LHPP: variants seen among roughly 807,000 people sequenced by gnomAD.
The protein encoded by LHPP is phospholysine phosphohistidine inorganic pyrophosphate phosphatase.
A neutral mutation model predicts 30.3 loss-of-function variants in LHPP; 24 were observed. The ratio of observed to expected loss-of-function variants is 0.79; its 90% CI spans 0.57 to 1.11. The LOEUF is 1.11. Ranked by LOEUF, LHPP falls within the 50% of genes most tolerant of loss-of-function variation. The pLI is 0.00. For missense variants in LHPP, 356 were observed against 367.2 expected (o/e 0.97, Z 0.25); for synonymous variants, 150 against 157.1 (o/e 0.95, Z 0.34).
intron 1 of LHPP, among the ~76,000 whole-genome samples, chr10:124,466,762 A>T (rs1952562607): frequency 6.6e-6 from 1 of 151,988 alleles, no homozygotes; most frequent in Admixed American, 6.6e-5. Flanking sequence ...CAGCCTGCAT[A>T]TCATTTTTAA....
chr10:124,508,418 CTG>C (rs952929971), intron 5 of LHPP, among the ~76,000 whole-genome samples: 14 of 151,946 alleles, frequency 9.2e-5, no homozygotes, highest in African/African-American at 3.4e-4. Flanking sequence ...ATTGGAAACT[CTG>C]TCCACCGATG....
intron 6 of LHPP, among the ~76,000 whole-genome samples, chr10:124,536,975 CA>C (rs1195472567): frequency 6.6e-6 from 1 of 152,146 alleles, no homozygotes; most frequent in Non-Finnish European, 1.5e-5. Flanking sequence ...ATCATAAACA[CA>C]GCATATGTAA....
intron 6 of LHPP, among the ~76,000 whole-genome samples, chr10:124,557,969 G>A (rs1039099838): frequency 2.6e-5 from 4 of 152,144 alleles, no homozygotes; most frequent in African/African-American, 4.8e-5. Context: ...ATGTCAGCGC[G>A]TCCTGACACC....
In LHPP at chr10:124,517,156, G is replaced by T; in HGVS notation, c.625-24G>T. 6.4e-7 allele frequency: 1 copy of T among 1,557,174 alleles called. No individual in the cohort carries two copies. Among genetic ancestry groups the T allele is most frequent in the South Asian group, 1.2e-5 (1 of 84,430 alleles). On this transcript the variant is annotated intron_variant, in intron 5 of 6. Coordinates refer to ENST00000368842, the MANE Select transcript of LHPP (RefSeq NM_022126.4). The surrounding 1 kb of genome is among the most constrained non-coding windows in gnomAD (Gnocchi z 4.1). Reference sequence around the variant, plus strand: ...ATAAAACTCTCCTGACATCACTTCTGAGCGTATTTCACTGCCGTGACAGGC... The same window carrying T: ...ATAAAACTCTCCTGACATCACTTCTTAGCGTATTTCACTGCCGTGACAGGC...
At chr10:124,476,349 G>C (rs1475001266) in intron 1 of LHPP, among the ~76,000 whole-genome samples, 1 of 152,208 alleles carries the variant, frequency 6.6e-6, no homozygotes, top group African/African-American at 2.4e-5. Flanking sequence ...AGCAAGTGCA[G>C]GAGGCTCAGC....
intron 6 of LHPP, among the ~76,000 whole-genome samples, chr10:124,605,919 G>C (rs1949086191): frequency 6.6e-6 from 1 of 152,088 alleles, no homozygotes; most frequent in Non-Finnish European, 1.5e-5. Flanking sequence ...GTCACCCTGT[G>C]GGTTCCGGTG....
intron 6 of LHPP, among the ~76,000 whole-genome samples, chr10:124,611,329 A>G (rs759040396): frequency 2.6e-5 from 4 of 152,050 alleles, no homozygotes; most frequent in Non-Finnish European, 5.9e-5. Flanking sequence ...TGTGACCTAT[A>G]GCAAGTCTCT....
intron 5 of LHPP, chr10:124,498,857 G>C (rs1368202505): frequency 3.7e-6 from 1 of 273,782 alleles, no homozygotes; most frequent in African/African-American, 2.5e-5. Context: ...TGGGACTACA[G>C]GTATATGCCA....
In LHPP at chr10:124,523,242, C is replaced by T. The variant is rs958683212; in HGVS notation, c.716+5971C>T. Among the ~76,000 whole-genome samples the T allele has an allele frequency of 2.0e-5, 3 of 152,352 alleles. No individual in the cohort carries two copies. The highest frequency in any genetic ancestry group is 1.9e-4 in the East Asian group (1 of 5,192). On this transcript the variant is annotated intron_variant, in intron 6 of 6. Transcript: ENST00000368842. The surrounding 1 kb of genome is among the most constrained non-coding windows in gnomAD (Gnocchi z 4.2). ...TTCGGAGAGGGAAAGTTTCCTGGAC[C>T]GTGATTCCCGACATCCTGCAAGGTC...
In LHPP at chr10:124,484,279, A is replaced by G. The variant is rs1953246126; in HGVS notation, c.266A>G (p.Gln89Arg). 1.2e-6 allele frequency: 2 copies of G among 1,613,910 alleles called. No individual in the cohort carries two copies. The highest frequency in any genetic ancestry group is 1.7e-6 in the Non-Finnish European group (2 of 1,179,980). The change falls in exon 2 of 7, where the codon CAG (glutamine) becomes CGG (arginine). Residue 89 changes from glutamine (Q) to arginine (R), a missense_variant. Transcript: ENST00000368842. ...EVTAPAPAAC[Q>R]ILKEQGLRPY... The stretch of plus-strand genomic sequence containing the variant: ...ACCGCCCCGGCACCAGCTGCCTGCC[A>G]GATCCTGAAGGAGCAAGGCCTGCGA...
intron 6 of LHPP, among the ~76,000 whole-genome samples, chr10:124,583,200 T>C (rs1254586648): frequency 6.6e-6 from 1 of 152,252 alleles, no homozygotes; most frequent in Non-Finnish European, 1.5e-5. Flanking sequence ...TTTGGTGGCA[T>C]ATCTAAGAAT....
At chr10:124,557,953 T>C (rs1948331065) in intron 6 of LHPP, among the ~76,000 whole-genome samples, 2 of 152,102 alleles carry the variant, frequency 1.3e-5, no homozygotes, top group African/African-American at 4.8e-5. Context: ...CGGCCTCGGC[T>C]CCTTCATGTC....
chr10:124,475,235 A>C (rs1172157390), intron 1 of LHPP, among the ~76,000 whole-genome samples: 1 of 151,444 alleles, frequency 6.6e-6, no homozygotes, highest in Non-Finnish European at 1.5e-5. Context: ...GTTGTTCGCC[A>C]TGTTGGCCAG....
intron 6 of LHPP, among the ~76,000 whole-genome samples, chr10:124,526,810 G>A (rs1041589490): frequency 5.9e-5 from 9 of 152,188 alleles, no homozygotes; most frequent in Non-Finnish European, 7.4e-5. Flanking sequence ...GTTAAAGTCC[G>A]CTGAACCCAA....
intron 6 of LHPP, among the ~76,000 whole-genome samples, chr10:124,566,950 C>T (rs1052926468): frequency 2.6e-5 from 4 of 152,200 alleles, no homozygotes; most frequent in African/African-American, 7.2e-5. Flanking sequence ...GCCCCACACC[C>T]GCTCCCATCC....
intron 6 of LHPP, among the ~76,000 whole-genome samples, chr10:124,547,465 GC>G (rs1318525005): frequency 6.6e-6 from 1 of 152,208 alleles, no homozygotes; most frequent in Non-Finnish European, 1.5e-5. Flanking sequence ...CCCACCCCCT[GC>G]CCCCAGTGTC....
chr10:124,550,175 A>C (rs999566663), intron 6 of LHPP, among the ~76,000 whole-genome samples: 2 of 152,010 alleles, frequency 1.3e-5, no homozygotes, highest in Non-Finnish European at 1.5e-5. Flanking sequence ...TGGGGAGCTC[A>C]CTCCTTGCCG....
intron 2 of LHPP, among the ~76,000 whole-genome samples, chr10:124,485,223 A>G (rs1355180238): frequency 6.6e-6 from 1 of 152,064 alleles, no homozygotes; most frequent in African/African-American, 2.4e-5. Context: ...TCTGTAATCT[A>G]GGATCCCTGC....
intron 2 of LHPP, 138 bp downstream of exon 2, chr10:124,484,464 A>T (rs1953254586): frequency 1.2e-6 from 1 of 818,088 alleles, no homozygotes; most frequent in African/African-American, 1.7e-5. Flanking sequence ...TGGGGGTAAA[A>T]ACCTCATGGG....
Sources: allele counts gnomAD v4.1 joint callset (sites outside exome capture counted in the v4.1 genomes callset), GRCh38; gene constraint gnomAD v4.1.1; non-coding constraint Gnocchi (gnomAD v3.1); transcripts MANE v1.5; gene names NCBI Gene and HGNC (gene_info 2026-07-23, HGNC 2026-07-21).